The following RPL22 variants were observed in gnomAD, a reference collection of about 807,000 sequenced individuals.
RPL22 encodes large ribosomal subunit protein eL22.
Under a neutral mutation model 16.2 loss-of-function variants are expected in RPL22, and 4 were observed. That is an observed-to-expected ratio of 0.25 (90% CI 0.12 to 0.57). The LOEUF (loss-of-function observed/expected upper bound fraction) is 0.57, where lower values mean the gene tolerates loss of function less well. Ranked by LOEUF, RPL22 falls within the 20% of genes least tolerant of loss-of-function variation. The pLI, the probability that RPL22 is intolerant of heterozygous loss-of-function variation, is 0.92. For missense variants in RPL22, 83 were observed against 156.1 expected, an observed-to-expected ratio of 0.53 and a Z score of 2.49; for synonymous variants, 43 against 54.8, an observed-to-expected ratio of 0.78 and a Z score of 0.95.
rs139163058 is a variant in RPL22 at position 6,189,899 on chromosome 1, C to A, written c.242+3031G>T. ...TCGCGCCATTGCACTCCAGCCTAGA[C>A]AAGAAGATCAAAACTCGTTTTCAAA... On this transcript the variant is annotated intron_variant, in intron 3 of 3. Transcript: ENST00000234875. Among the ~76,000 whole-genome samples, 760 of 152,272 alleles carry A rather than the reference C, an allele frequency of 5.0e-3. 3 individuals carry two copies. Among genetic ancestry groups the A allele is most frequent in the African/African-American group, 0.017 (690 of 41,546 alleles).
chr1:6,188,323 C>T lies in RPL22; in HGVS notation c.243-1507G>A, dbSNP rs968891226. 5.3e-5 allele frequency among the ~76,000 whole-genome samples: 8 copies of T among 152,192 alleles called. No individual in the cohort carries two copies. The East Asian group carries it at 5.8e-4, about 11-fold the overall frequency. On this transcript the variant is annotated intron_variant, in intron 3 of 3. Transcript: ENST00000234875. ...CTGGGATTATAGCTGTGAGCCACTG[C>T]GACCAGCCAAAACACTCATTCTTTA...
chr1:6,196,653 C>G (rs532309328), intron 2 of RPL22, among the ~76,000 whole-genome samples: 32 of 152,030 alleles, frequency 2.1e-4, no homozygotes, highest in African/African-American at 7.5e-4. Flanking sequence ...AATAAAATGT[C>G]AAAACCAAAC....
At chr1:6,190,583 T>G (rs1667637316) in intron 3 of RPL22, among the ~76,000 whole-genome samples, 1 of 152,212 alleles carries the variant, frequency 6.6e-6, no homozygotes, top group Admixed American at 6.5e-5. Flanking sequence ...TTTCTCCATG[T>G]TGGTCAGCTG....
chr1:6,191,214 G>A (rs1667645711), intron 3 of RPL22, among the ~76,000 whole-genome samples: 1 of 149,046 alleles, frequency 6.7e-6, no homozygotes, highest in African/African-American at 2.5e-5. Context: ...AAAAAAATTA[G>A]CCACGAGTGG....
chr1:6,192,896 G>A (rs754234933), intron 3 of RPL22, 34 bp downstream of exon 3: 8 of 1,592,086 alleles, frequency 5.0e-6, no homozygotes, highest in Non-Finnish European at 6.8e-6. Context: ...GGCACTGGGT[G>A]CACGCAGGCC....
intron 1 of RPL22, 60 bp from the exon 2 acceptor site, chr1:6,197,816 T>A: frequency 3.3e-6 from 4 of 1,205,584 alleles, no homozygotes; most frequent in Non-Finnish European, 3.7e-6. Flanking sequence ...AAAACAAGAT[T>A]AACAGAACCA....
At chr1:6,188,316 G>A (rs1282283101) in intron 3 of RPL22, among the ~76,000 whole-genome samples, 1 of 152,122 alleles carries the variant, frequency 6.6e-6, no homozygotes, top group African/African-American at 2.4e-5. Context: ...ATAGCTGTGA[G>A]CCACTGCGAC....
At chr1:6,195,995 G>A (rs576530128) in intron 2 of RPL22, among the ~76,000 whole-genome samples, 3 of 152,186 alleles carry the variant, frequency 2.0e-5, no homozygotes, top group East Asian at 1.9e-4. Flanking sequence ...CCAGGGAAAC[G>A]GAGATTGTGG....
intron 2 of RPL22, among the ~76,000 whole-genome samples, chr1:6,195,661 G>C (rs562978575): frequency 3.2e-4 from 47 of 146,916 alleles, no homozygotes; most frequent in African/African-American, 1.1e-3. Flanking sequence ...CTGAGAAAGA[G>C]AATCACTTAA....
In RPL22 at chr1:6,185,342, A is replaced by C; in HGVS notation, c.*1330T>G. On this transcript the variant is annotated 3_prime_UTR_variant, in exon 4 of 4. Coordinates refer to ENST00000234875, the MANE Select transcript of RPL22 (RefSeq NM_000983.4). ...CTGATGCCTCAGTGAAGTTTGAAAGAAACTCTGCTTTCTGTGACGGCAGAG... is the reference window on the plus strand; with the variant it reads ...CTGATGCCTCAGTGAAGTTTGAAAGCAACTCTGCTTTCTGTGACGGCAGAG... The C allele has an allele frequency of 2.5e-6, 1 of 399,106 alleles. No individual in the cohort carries two copies. The highest frequency in any genetic ancestry group is 2.1e-5 in the African/African-American group (1 of 48,772). The allele number at this position is 399,106 out of a possible 1,614,324, so 24.7% of individuals were successfully genotyped here.
Position 6,192,325 on chromosome 1 carries a change from G to A in RPL22, c.242+605C>T, listed in dbSNP as rs541334018. 7.2e-5 allele frequency among the ~76,000 whole-genome samples: 11 copies of A among 152,220 alleles called. No individual in the cohort carries two copies. In the South Asian group the frequency reaches 2.3e-3, roughly 31 times the overall value. ...CCCTCCCAAAGTGCTGGGATTACAAGCATAAGCCACTGTGCCCAGCCAAGA... is the reference window on the plus strand; with the variant it reads ...CCCTCCCAAAGTGCTGGGATTACAAACATAAGCCACTGTGCCCAGCCAAGA... On this transcript the variant is annotated intron_variant, in intron 3 of 3. Coordinates refer to ENST00000234875, the MANE Select transcript of RPL22 (RefSeq NM_000983.4).
chr1:6,189,896 A>G (rs1667628315), intron 3 of RPL22, among the ~76,000 whole-genome samples: 1 of 152,180 alleles, frequency 6.6e-6, no homozygotes, highest in East Asian at 1.9e-4. Flanking sequence ...ACTCCAGCCT[A>G]GACAAGAAGA....
chr1:6,197,893 G>A, intron 1 of RPL22, 137 bp from the exon 2 acceptor site: 1 of 691,516 alleles, frequency 1.4e-6, no homozygotes, highest in East Asian at 2.7e-5. Flanking sequence ...CTTTGCCAGA[G>A]GGCCAAGAGG....
rs1667571524 is a variant in RPL22, at chr1:6,185,394, A to G, written c.*1278T>C. ...AGAAATATGCAAGCAATTCTGCTTC[A>G]AAGAAATTTGCATAGAAATGGAAAA... On this transcript the variant is annotated 3_prime_UTR_variant, in exon 4 of 4. Transcript: ENST00000234875. The G allele has an allele frequency of 2.5e-6, 1 of 398,964 alleles. No homozygotes were observed. The highest frequency in any genetic ancestry group is 4.4e-6 in the Non-Finnish European group (1 of 226,062). The allele number at this position is 398,964 out of a possible 1,614,324, so 24.7% of individuals were successfully genotyped here.
intron 1 of RPL22, 103 bp downstream of exon 1, chr1:6,199,459 G>A (rs978700311): frequency 6.7e-7 from 1 of 1,490,290 alleles, no homozygotes; most frequent in Non-Finnish European, 9.0e-7. Context: ...ACCCCAGCAG[G>A]ACGCTGCAGG....
chr1:6,189,880 C>T (rs1667628094), intron 3 of RPL22, among the ~76,000 whole-genome samples: 1 of 152,172 alleles, frequency 6.6e-6, no homozygotes, highest in Non-Finnish European at 1.5e-5. Context: ...GAAATCGCGC[C>T]ATTGCACTCC....
chr1:6,196,682 C>T (rs1571188693), intron 2 of RPL22, among the ~76,000 whole-genome samples: 1 of 151,120 alleles, frequency 6.6e-6, no homozygotes, highest in South Asian at 2.1e-4. Context: ...CAAAATGTGG[C>T]GGAAGGATTA....
At chr1:6,187,457 A>T (rs1667596036) in intron 3 of RPL22, among the ~76,000 whole-genome samples, 1 of 152,054 alleles carries the variant, frequency 6.6e-6, no homozygotes, top group Non-Finnish European at 1.5e-5. Flanking sequence ...TACTAAAAAT[A>T]CAAAAAATTA....
At chr1:6,188,233 A>G (rs1667606727) in intron 3 of RPL22, among the ~76,000 whole-genome samples, 1 of 152,152 alleles carries the variant, frequency 6.6e-6, no homozygotes. Context: ...GGGTTTTGCC[A>G]TATTGGCCAG....
Sources: allele counts gnomAD v4.1 joint callset (sites outside exome capture counted in the v4.1 genomes callset), GRCh38; gene constraint gnomAD v4.1.1; transcripts MANE v1.5; gene names NCBI Gene and HGNC (gene_info 2026-07-23, HGNC 2026-07-21).